Variants in FIRRM observed in about 807,000 individuals in gnomAD.
The protein encoded by FIRRM is FIGNL1 interacting regulator of recombination and mitosis.
chr1:169,809,156 G>A, the FIRRM span, among the ~76,000 whole-genome samples: 1 of 152,158 alleles, frequency 6.6e-6, no homozygotes, highest in Non-Finnish European at 1.5e-5. Flanking sequence ...AGTTCTGAAG[G>A]TAGTAAGAAG....
the FIRRM span, among the ~76,000 whole-genome samples, chr1:169,826,829 T>G: frequency 2.0e-4 from 30 of 152,052 alleles, no homozygotes; most frequent in African/African-American, 7.2e-4. Context: ...GATTATCAAC[T>G]TCTCATTTTA....
At chr1:169,843,771 T>C in the FIRRM span, 23 of 1,560,744 alleles carry the variant, frequency 1.5e-5, no homozygotes, top group Non-Finnish European at 2.0e-5. Context: ...ATACTTCAGG[T>C]AAGAATAATG....
chr1:169,831,978 C>G, the FIRRM span, among the ~76,000 whole-genome samples: 5 of 152,272 alleles, frequency 3.3e-5, no homozygotes, highest in Admixed American at 2.6e-4. Context: ...AGGCTAGTTT[C>G]AAACTCCCGG....
At chr1:169,803,078 T>C in the FIRRM span, 1 of 1,125,246 alleles carries the variant, frequency 8.9e-7, no homozygotes, top group Non-Finnish European at 1.3e-6. Context: ...GTTTTGTTCA[T>C]TGCTGTATTT....
chr1:169,816,065 A>G, the FIRRM span, among the ~76,000 whole-genome samples: 1 of 152,230 alleles, frequency 6.6e-6, no homozygotes, highest in Non-Finnish European at 1.5e-5. Context: ...TCGATTTAAT[A>G]AAACATTCAG....
the FIRRM span, chr1:169,842,513 C>T: frequency 6.2e-7 from 1 of 1,613,746 alleles, no homozygotes; most frequent in South Asian, 1.1e-5. Flanking sequence ...TGTGAGTCAG[C>T]TTTGGGCTTT....
the FIRRM span, among the ~76,000 whole-genome samples, chr1:169,837,277 G>A: frequency 6.6e-6 from 1 of 152,324 alleles, no homozygotes; most frequent in African/African-American, 2.4e-5. Context: ...AAGAATCTGT[G>A]AGAAACTTAA....
chr1:169,846,506 A>G, the FIRRM span, among the ~76,000 whole-genome samples: 1 of 152,164 alleles, frequency 6.6e-6, no homozygotes, highest in African/African-American at 2.4e-5. Context: ...GTTTAATGCA[A>G]CCACTTCCAT....
At chr1:169,795,448 C>T in the FIRRM span, 2 of 1,343,596 alleles carry the variant, frequency 1.5e-6, no homozygotes, top group South Asian at 3.8e-5. Flanking sequence ...TGTTCTGACC[C>T]AAGGTTTTAG....
chr1:169,853,816 A>C, the FIRRM span: 3 of 1,588,864 alleles, frequency 1.9e-6, no homozygotes, highest in Non-Finnish European at 2.6e-6. Flanking sequence ...GAAACAAATC[A>C]TATGCAAAAA....
the FIRRM span, among the ~76,000 whole-genome samples, chr1:169,790,232 C>G: frequency 6.6e-6 from 1 of 151,874 alleles, no homozygotes; most frequent in Non-Finnish European, 1.5e-5. Flanking sequence ...GGCTGGAGGG[C>G]AATGGCGCGA....
the FIRRM span, among the ~76,000 whole-genome samples, chr1:169,805,493 C>T: frequency 9.9e-5 from 15 of 152,130 alleles, no homozygotes; most frequent in Non-Finnish European, 1.8e-4. Context: ...TATTGTCCCC[C>T]GGGCCACAGC....
the FIRRM span, among the ~76,000 whole-genome samples, chr1:169,811,837 T>TAGAC: frequency 1.3e-5 from 2 of 149,240 alleles, no homozygotes; most frequent in African/African-American, 2.4e-5. Flanking sequence ...AAATAGATAA[T>TAGAC]AGATTATCTA....
chr1:169,802,137 A>G, the FIRRM span, among the ~76,000 whole-genome samples: 3 of 152,228 alleles, frequency 2.0e-5, no homozygotes, highest in Non-Finnish European at 4.4e-5. Context: ...GTCATTTACT[A>G]TACCCTTAAT....
the FIRRM span, among the ~76,000 whole-genome samples, chr1:169,840,807 G>A: frequency 1.3e-5 from 2 of 152,164 alleles, no homozygotes; most frequent in Admixed American, 6.5e-5. Flanking sequence ...ACTGCGCTCG[G>A]CCTTGTGTTC....
the FIRRM span, chr1:169,795,234 C>T: frequency 2.6e-6 from 4 of 1,532,586 alleles, no homozygotes; most frequent in Middle Eastern, 1.7e-4. Context: ...TTGGTTGTCA[C>T]TTCTACCTAG....
At chr1:169,834,556 A>G in the FIRRM span, among the ~76,000 whole-genome samples, 1 of 152,182 alleles carries the variant, frequency 6.6e-6, no homozygotes, top group African/African-American at 2.4e-5. Flanking sequence ...GTAACAGGCC[A>G]GGCACTTAAT....
chr1:169,852,602 G>A, the FIRRM span: 2 of 603,038 alleles, frequency 3.3e-6, no homozygotes, highest in Non-Finnish European at 5.8e-6. Flanking sequence ...ACTCTGAATT[G>A]CTATGATAAA....
chr1:169,832,563 G>A, the FIRRM span: 1 of 1,240,678 alleles, frequency 8.1e-7, no homozygotes, highest in Non-Finnish European at 1.2e-6. Flanking sequence ...GTTGGATTCA[G>A]ACTCCTTTGA....
Sources: allele counts gnomAD v4.1 joint callset (sites outside exome capture counted in the v4.1 genomes callset), GRCh38; gene constraint gnomAD v4.1.1; transcripts MANE v1.5; gene names NCBI Gene and HGNC (gene_info 2026-07-23, HGNC 2026-07-21).